Variants in SLC35D1 observed in about 807,000 individuals in gnomAD.
SLC35D1 encodes the protein solute carrier family 35 member D1.
Under a neutral mutation model 46.7 loss-of-function variants are expected in SLC35D1, and 31 were observed. The observed-to-expected ratio is 0.66, with a 90% CI of 0.50 to 0.90. The LOEUF (loss-of-function observed/expected upper bound fraction) is 0.90. SLC35D1 is among the 40% of genes least tolerant of loss of function. SLC35D1 has a pLI of 0.00. For missense variants in SLC35D1, 397 were observed against 426.2 expected (o/e 0.93, Z 0.60); for synonymous variants, 195 against 164.6 (o/e 1.18, Z -1.41).
intron 4 of SLC35D1, among the ~76,000 whole-genome samples, chr1:67,050,926 A>C (rs1645302472): frequency 6.6e-6 from 1 of 152,174 alleles, no homozygotes; most frequent in Non-Finnish European, 1.5e-5. Flanking sequence ...TCTTCATCTA[A>C]ATTCCCAGAG....
At chr1:67,052,550 A>G (rs1045162579) in intron 3 of SLC35D1, among the ~76,000 whole-genome samples, 4 of 152,208 alleles carry the variant, frequency 2.6e-5, no homozygotes, top group African/African-American at 4.8e-5. Flanking sequence ...GCATTAATTA[A>G]AAACAGAAGA....
chr1:67,047,780 T>C (rs916441747), intron 6 of SLC35D1, among the ~76,000 whole-genome samples: 2 of 152,174 alleles, frequency 1.3e-5, no homozygotes, highest in African/African-American at 4.8e-5. Context: ...ACATGAAAGG[T>C]AGGACTATCT....
rs1450469004 is a variant in SLC35D1 at position 67,032,498 on chromosome 1, C to T, written c.729+9738G>A. ...GAGTTCAAGATCAGCTTGACCAACA[C>T]GGAGAAACCCTATCTCTACGAAAAA... is the stretch of plus-strand genomic sequence containing the variant. On this transcript the variant is annotated intron_variant, in intron 8 of 11. Coordinates refer to ENST00000235345, the MANE Select transcript of SLC35D1 (RefSeq NM_015139.3). Among the ~76,000 whole-genome samples, 6 of 151,766 alleles carry T rather than the reference C, an allele frequency of 4.0e-5. No individual in the cohort carries two copies. In the South Asian group the frequency reaches 6.3e-4, roughly 16 times the overall value.
intron 7 of SLC35D1, among the ~76,000 whole-genome samples, chr1:67,045,293 G>C: frequency 6.6e-6 from 1 of 152,184 alleles, no homozygotes; most frequent in East Asian, 1.9e-4. Context: ...TCATAAACAT[G>C]TATTATTACA....
intron 8 of SLC35D1, among the ~76,000 whole-genome samples, chr1:67,022,142 T>C (rs1056576335): frequency 2.6e-5 from 4 of 152,206 alleles, no homozygotes. Flanking sequence ...TGTGTTGTTG[T>C]TGTTGTCTGT....
chr1:67,004,577 C>G, intron 11 of SLC35D1, 129 bp from the exon 12 acceptor site: 1 of 736,280 alleles, frequency 1.4e-6, no homozygotes, highest in Non-Finnish European at 2.4e-6. Flanking sequence ...GAAATTCATA[C>G]AATGAAGTAC....
chr1:66,981,192 A>G, the SLC35D1 span, among the ~76,000 whole-genome samples: 2 of 152,196 alleles, frequency 1.3e-5, no homozygotes, highest in Non-Finnish European at 2.9e-5. Context: ...ACAGTTACGT[A>G]GTTCAGGAAT....
rs575407418 is a variant in SLC35D1 at position 67,031,547 on chromosome 1, C to T, written c.730-9945G>A. The stretch of plus-strand genomic sequence containing the variant: ...CCTATAGTCTTTCCATCTGTACTGC[C>T]GCAAAAAAAAACAAAGGCAAGGCAA... On this transcript the variant is annotated intron_variant, in intron 8 of 11. Coordinates refer to ENST00000235345, the MANE Select transcript of SLC35D1 (RefSeq NM_015139.3). Among the ~76,000 whole-genome samples, 19 of 151,638 alleles carry T rather than the reference C, an allele frequency of 1.3e-4. No homozygotes were observed. In the South Asian group the frequency reaches 3.5e-3, roughly 28 times the overall value.
At chr1:66,993,395 A>T in the SLC35D1 span, among the ~76,000 whole-genome samples, 2 of 152,220 alleles carry the variant, frequency 1.3e-5, no homozygotes, top group Non-Finnish European at 2.9e-5. Context: ...TGGACTGAAG[A>T]CAAGAGTCCC....
intron 8 of SLC35D1, among the ~76,000 whole-genome samples, chr1:67,029,662 G>C (rs7517647): frequency 0.19 from 29,553 of 152,072 alleles, 5,339 homozygotes; most frequent in African/African-American, 0.49. Context: ...GGTGAACTTT[G>C]CTTTTGTTTT....
At chr1:66,985,007 T>C in the SLC35D1 span, 1 of 1,426,474 alleles carries the variant, frequency 7.0e-7, no homozygotes, top group Non-Finnish European at 9.2e-7. Context: ...AGTTTGAAAA[T>C]TTGAATTGAG....
Position 67,001,069 on chromosome 1 carries a change from T to G in SLC35D1, c.*3271A>C, listed in dbSNP as rs1026002117. The G allele has an allele frequency of 6.6e-6, 1 of 152,256 alleles. No individual in the cohort carries two copies. The highest frequency in any genetic ancestry group is 1.5e-5 in the Non-Finnish European group (1 of 68,024). 9.4% of individuals were successfully genotyped at this position (152,256 alleles called of 1,614,324 possible). On this transcript the variant is annotated 3_prime_UTR_variant, in exon 12 of 12. Coordinates refer to ENST00000235345, the MANE Select transcript of SLC35D1 (RefSeq NM_015139.3). ...ACACACTCCTTGAAAGCAAGAACCA[T>G]GTCTTGTTTATCTTTTTTCCAGAGC...
In SLC35D1 at chr1:67,009,117, G is replaced by A; in HGVS notation, c.927C>T (p.Phe309=). ...TTAAACCAATGAAGTTTGTCCACGT[G>A]AAAATATAATCTCCACCAAAGACCA... ...IGMVFGGDYI[F]TWTNFIGLNI... is the part of the protein sequence containing the mutation. Residue 309 remains phenylalanine, a synonymous_variant, in exon 11 of 12, where the codon TTC becomes TTT. Transcript: ENST00000235345. 2 of 1,513,700 alleles carry A rather than the reference G, an allele frequency of 1.3e-6. No homozygotes were observed. The highest frequency in any genetic ancestry group is 1.8e-6 in the Non-Finnish European group (2 of 1,092,432). The allele number at this position is 1,513,700 out of a possible 1,614,324, so 93.8% of individuals were successfully genotyped here.
chr1:66,985,579 A>G, the SLC35D1 span: 1 of 985,340 alleles, frequency 1.0e-6, no homozygotes, highest in Non-Finnish European at 1.2e-6. Flanking sequence ...GTAGCCTTTG[A>G]AAGATTTTTA....
At chr1:66,987,480 G>A in the SLC35D1 span, 1 of 152,586 alleles carries the variant, frequency 6.6e-6, no homozygotes, top group Non-Finnish European at 1.5e-5. Flanking sequence ...TTCAGGATCT[G>A]CAATTCAGTT....
chr1:67,030,497 CAAA>C (rs1667996217), intron 8 of SLC35D1, among the ~76,000 whole-genome samples: 1 of 151,766 alleles, frequency 6.6e-6, no homozygotes, highest in Non-Finnish European at 1.5e-5. Flanking sequence ...ATCAGAATTA[CAAA>C]AAATATATAT....
At chr1:67,050,100 ATTTC>A (rs762173913) in intron 5 of SLC35D1, among the ~76,000 whole-genome samples, 13 of 152,218 alleles carry the variant, frequency 8.5e-5, no homozygotes, top group Non-Finnish European at 1.9e-4. Flanking sequence ...GTGAAGCAGA[ATTTC>A]TTTAACAGAA....
chr1:67,025,714 A>G (rs1229566844), intron 8 of SLC35D1, among the ~76,000 whole-genome samples: 1 of 152,208 alleles, frequency 6.6e-6, no homozygotes, highest in Admixed American at 6.5e-5. Context: ...TCACTTATTT[A>G]GGTCTTTTAA....
chr1:66,998,769 T>C (rs1211464579), downstream of SLC35D1, among the ~76,000 whole-genome samples: 4 of 152,220 alleles, frequency 2.6e-5, no homozygotes, highest in African/African-American at 9.6e-5. Flanking sequence ...ATTCCACTTA[T>C]ATAAAATACC....
Sources: allele counts gnomAD v4.1 joint callset (sites outside exome capture counted in the v4.1 genomes callset), GRCh38; gene constraint gnomAD v4.1.1; transcripts MANE v1.5; gene names NCBI Gene and HGNC (gene_info 2026-07-23, HGNC 2026-07-21).